PTPRB: variants seen among roughly 807,000 people sequenced by gnomAD.
PTPRB encodes the protein protein tyrosine phosphatase receptor type B, also known as receptor-type tyrosine-protein phosphatase beta.
A neutral mutation model predicts 238.1 loss-of-function variants in PTPRB; 97 were observed. The ratio of observed to expected loss-of-function variants is 0.41; its 90% confidence interval spans 0.35 to 0.48. The LOEUF is 0.48. Ranked by LOEUF, PTPRB falls within the 20% of genes least tolerant of loss-of-function variation. The pLI, the probability that PTPRB is intolerant of heterozygous loss-of-function variation, is 0.30. For synonymous variants in PTPRB, 970 were observed against 995.4 expected (o/e 0.97, Z 0.48); for missense variants, 2,292 against 2,681.9 (o/e 0.85, Z 3.21).
chr12:70,538,843 T>G (rs1278403102), intron 27 of PTPRB, 81 bp downstream of exon 27: 2 of 1,131,440 alleles, frequency 1.8e-6, no homozygotes, highest in Non-Finnish European at 2.6e-6. Flanking sequence ...ATTATATTTC[T>G]TTAGCCTCAT....
chr12:70,622,335 C>A, intron 3 of PTPRB, 55 bp downstream of exon 3: 1 of 1,581,072 alleles, frequency 6.3e-7, no homozygotes, highest in South Asian at 1.1e-5. Flanking sequence ...TCTTTTCAAG[C>A]AATGAGCCTC....
At chr12:70,538,321 A>G (rs1375247363) in intron 27 of PTPRB, 90 bp from the exon 28 acceptor site, 1 of 1,048,394 alleles carries the variant, frequency 9.5e-7, no homozygotes, top group African/African-American at 1.6e-5. Context: ...GATCCCCACA[A>G]CAGCCACAGA....
chr12:70,616,146 G>A (rs114598685), intron 3 of PTPRB, among the ~76,000 whole-genome samples: 3,434 of 151,862 alleles, frequency 0.023, 113 homozygotes, highest in African/African-American at 0.063. Context: ...ATCTCCCCAT[G>A]TTGCCCAGGC....
chr12:70,583,695 C>T (rs1348337760), intron 9 of PTPRB, among the ~76,000 whole-genome samples: 2 of 152,114 alleles, frequency 1.3e-5, no homozygotes, highest in Non-Finnish European at 2.9e-5. Context: ...GTGTTTGCAA[C>T]CTGAATTTAT....
At chr12:70,563,670 C>A (rs1334041330) in intron 15 of PTPRB, among the ~76,000 whole-genome samples, 1 of 152,120 alleles carries the variant, frequency 6.6e-6, no homozygotes, top group Non-Finnish European at 1.5e-5. Context: ...TCCATATTTC[C>A]AAATACCTAT....
At chr12:70,596,888 T>C (rs1883072210) in intron 4 of PTPRB, among the ~76,000 whole-genome samples, 3 of 151,812 alleles carry the variant, frequency 2.0e-5, no homozygotes, top group Admixed American at 2.0e-4. Context: ...AAATGGATTC[T>C]CCCAGTAGCT....
chr12:70,602,494 C>T (rs904959451), intron 4 of PTPRB, among the ~76,000 whole-genome samples: 3 of 152,188 alleles, frequency 2.0e-5, no homozygotes, highest in Non-Finnish European at 4.4e-5. Context: ...AATTCATGAG[C>T]TGTCACTTGA....
At chr12:70,636,115 C>A in intron 1 of PTPRB, 49 bp from the exon 2 acceptor site, 1 of 1,476,758 alleles carries the variant, frequency 6.8e-7, no homozygotes. Flanking sequence ...TTATGAGGCC[C>A]ATTAGAAAAC....
In PTPRB at chr12:70,538,171, T is replaced by C; in HGVS notation, c.5930A>G (p.Asn1977Ser). The change falls in exon 28 of 34, where the codon AAT becomes AGT. Residue 1977 changes from asparagine to serine, a missense_variant. Asn to Ser is a conservative substitution (Grantham distance 46). This residue lies in a region of PTPRB where 397 missense variants were observed against 502.0 expected (regional missense o/e 0.79). Coordinates refer to ENST00000334414, the MANE Select transcript of PTPRB (RefSeq NM_001109754.4). ...GTCACTTACAGGGATGTAGCTGGCA[T>C]TGATGTAGTCAGAGCAAGGATCATC... ...VDDDPCSDYI[N>S]ASYIPGNNFR... 1 of 1,613,654 alleles carries C rather than the reference T, an allele frequency of 6.2e-7. No homozygotes were observed. The highest frequency in any genetic ancestry group is 8.5e-7 in the Non-Finnish European group (1 of 1,179,700).
At chr12:70,527,037 A>G (rs1872547200) in intron 32 of PTPRB, among the ~76,000 whole-genome samples, 1 of 152,236 alleles carries the variant, frequency 6.6e-6, no homozygotes, top group Non-Finnish European at 1.5e-5. Context: ...GACAAAATAT[A>G]TGAATCTCAG....
intron 11 of PTPRB, among the ~76,000 whole-genome samples, chr12:70,575,678 G>C (rs1880607520): frequency 6.6e-6 from 1 of 152,176 alleles, no homozygotes; most frequent in African/African-American, 2.4e-5. Context: ...GGAAACATTT[G>C]ACAATGTATT....
intron 23 of PTPRB, 132 bp from the exon 24 acceptor site, chr12:70,540,154 C>A: frequency 2.9e-6 from 2 of 691,092 alleles, no homozygotes; most frequent in Non-Finnish European, 2.4e-6. Flanking sequence ...TTGCACTCAG[C>A]CAACATCTCT....
intron 32 of PTPRB, among the ~76,000 whole-genome samples, chr12:70,526,993 A>C (rs1489327834): frequency 1.3e-5 from 2 of 152,240 alleles, no homozygotes; most frequent in African/African-American, 4.8e-5. Context: ...TGAGATTGTT[A>C]ATGTGCTTCT....
chr12:70,562,811 C>G, intron 16 of PTPRB, 33 bp downstream of exon 16: 1 of 1,600,916 alleles, frequency 6.2e-7, no homozygotes, highest in Non-Finnish European at 8.5e-7. Flanking sequence ...ACAATTCCCC[C>G]ACGATTCATT....
chr12:70,540,213 C>T (rs1314236571), intron 23 of PTPRB, 191 bp from the exon 24 acceptor site: 8 of 510,696 alleles, frequency 1.6e-5, no homozygotes, highest in South Asian at 7.8e-5. Flanking sequence ...CACCCAGAAA[C>T]GGATCTCTGC....
intron 32 of PTPRB, among the ~76,000 whole-genome samples, chr12:70,530,453 A>G (rs529172477): frequency 1.3e-5 from 2 of 152,282 alleles, no homozygotes; most frequent in South Asian, 4.1e-4. Flanking sequence ...ACATGCACAT[A>G]TACACATGTA....
chr12:70,517,270 T>A lies in PTPRB; in HGVS notation c.*4219A>T, dbSNP rs1565888954. On this transcript the variant is annotated 3_prime_UTR_variant, in exon 34 of 34. Coordinates refer to ENST00000334414, the MANE Select transcript of PTPRB (RefSeq NM_001109754.4). ...AGTGAATCCTCAAAAGGGCAACATGTCCTAATAGAAACGTGTGACAGGATT... is the reference window on the plus strand; with the variant it reads ...AGTGAATCCTCAAAAGGGCAACATGACCTAATAGAAACGTGTGACAGGATT... The A allele has an allele frequency of 6.6e-6, 1 of 152,184 alleles. No homozygotes were observed. 9.4% of individuals were successfully genotyped at this position (152,184 alleles called of 1,614,324 possible). A position where few individuals can be genotyped will look rare whatever the true frequency, so the allele number is the denominator to read the frequency against.
chr12:70,605,477 A>G (rs1209377020), intron 4 of PTPRB, among the ~76,000 whole-genome samples: 1 of 152,200 alleles, frequency 6.6e-6, no homozygotes, highest in East Asian at 1.9e-4. Context: ...GATGCCATTT[A>G]AGTACTGAAA....
rs1871442401 is a variant in PTPRB at position 70,519,415 on chromosome 12, TC to T, written c.*2073del. 1 of 152,154 alleles carries T rather than the reference TC, an allele frequency of 6.6e-6. No individual in the cohort carries two copies. The highest frequency in any genetic ancestry group is 1.5e-5 in the Non-Finnish European group (1 of 68,036). The allele number at this position is 152,154 out of a possible 1,614,324, so 9.4% of individuals were successfully genotyped here. On this transcript the variant is annotated 3_prime_UTR_variant, in exon 34 of 34. Transcript: ENST00000334414. ...CCCTTGATGAGGCTGTCTTTTAAGC[TC>T]AATTGAAGGTAGTAACAACAATCCT...
Sources: allele counts gnomAD v4.1 joint callset (sites outside exome capture counted in the v4.1 genomes callset), GRCh38; gene constraint gnomAD v4.1.1; regional missense constraint gnomAD v4.1.1; transcripts MANE v1.5; gene names NCBI Gene and HGNC (gene_info 2026-07-23, HGNC 2026-07-21).